The following OTULIN variants were observed in gnomAD, a reference collection of about 807,000 sequenced individuals.
The protein encoded by OTULIN is OTU deubiquitinase with linear linkage specificity.
Under a neutral mutation model 39.6 loss-of-function variants are expected in OTULIN, and 15 were observed. The observed-to-expected ratio is 0.38, with a 90% CI of 0.25 to 0.58. OTULIN has a LOEUF of 0.58. Ranked by LOEUF, OTULIN falls within the 20% of genes least tolerant of loss-of-function variation. The pLI is 0.66. For missense variants in OTULIN, 319 were observed against 445.9 expected, an observed-to-expected ratio of 0.72 and a Z score of 2.56; for synonymous variants, 156 against 170.3, an observed-to-expected ratio of 0.92 and a Z score of 0.65.
At chr5:14,692,772 T>C in intron 6 of OTULIN, 82 bp from the exon 7 acceptor site, 1 of 1,249,916 alleles carries the variant, frequency 8.0e-7, no homozygotes, top group South Asian at 1.3e-5. Context: ...CTGTGCACTG[T>C]GGGATAATGG....
the OTULIN span, among the ~76,000 whole-genome samples, chr5:14,715,351 G>A: frequency 1.3e-5 from 2 of 152,178 alleles, no homozygotes; most frequent in South Asian, 2.1e-4. Flanking sequence ...GGCTGGTCTC[G>A]AACTCCTGAC....
At chr5:14,684,239 T>C (rs539576140) in intron 4 of OTULIN, among the ~76,000 whole-genome samples, 26 of 152,310 alleles carry the variant, frequency 1.7e-4, no homozygotes, top group Non-Finnish European at 1.6e-4. Context: ...TTATTAAACG[T>C]TGGATCTGAA....
intron 5 of OTULIN, 183 bp downstream of exon 5, chr5:14,687,829 A>T: frequency 5.0e-6 from 3 of 594,558 alleles, no homozygotes; most frequent in Non-Finnish European, 8.3e-6. Context: ...GGAAGTACCA[A>T]CATTATATAT....
Position 14,678,793 on chromosome 5 carries a change from A to C in OTULIN, c.324+18A>C. 6.6e-7 allele frequency: 1 copy of C among 1,522,496 alleles called. No individual in the cohort carries two copies. The highest frequency in any genetic ancestry group is 1.2e-5 in the South Asian group (1 of 80,644). 94.3% of individuals were successfully genotyped at this position (1,522,496 alleles called of 1,614,324 possible). A position where few individuals can be genotyped will look rare whatever the true frequency, so the allele number is the denominator to read the frequency against. Reference sequence around the variant, plus strand: ...TGAAAATGGTATGACACAGAGGTGCACATATTTCAGGTCTTTCAAATAGTC... The same window carrying C: ...TGAAAATGGTATGACACAGAGGTGCCCATATTTCAGGTCTTTCAAATAGTC... On this transcript the variant is annotated intron_variant, in intron 3 of 6. Coordinates refer to ENST00000284274, the MANE Select transcript of OTULIN (RefSeq NM_138348.6).
At chr5:14,683,740 AT>A (rs1736316621) in intron 4 of OTULIN, among the ~76,000 whole-genome samples, 1 of 152,214 alleles carries the variant, frequency 6.6e-6, no homozygotes, top group African/African-American at 2.4e-5. Flanking sequence ...TTAAGGAGCT[AT>A]TTGGATTTAT....
chr5:14,706,815 GAC>G, the OTULIN span: 1 of 152,180 alleles, frequency 6.6e-6, no homozygotes, highest in African/African-American at 2.4e-5. Flanking sequence ...GAGTATCCCA[GAC>G]ACGTTGCTCA....
intron 1 of OTULIN, among the ~76,000 whole-genome samples, chr5:14,670,939 AG>A (rs1735964934): frequency 5.3e-5 from 8 of 152,212 alleles, no homozygotes. Flanking sequence ...GTTTGTGCAC[AG>A]GATCTGAGTG....
At chr5:14,715,400 G>A in the OTULIN span, among the ~76,000 whole-genome samples, 1 of 152,126 alleles carries the variant, frequency 6.6e-6, no homozygotes, top group South Asian at 2.1e-4. Context: ...CAAAGTGCTG[G>A]AATTACAGGC....
chr5:14,673,653 T>C lies in OTULIN; in HGVS notation c.164T>C (p.Met55Thr). Residue 55 changes from methionine to threonine, a missense_variant, in exon 2 of 7, where the codon ATG becomes ACG. By Grantham distance (81) the Met-to-Thr change is moderately conservative. This residue lies in a region of OTULIN where 132 missense variants were observed against 143.7 expected (regional missense o/e 0.92). Transcript: ENST00000284274. ...TGGTGTAATTTCAGTGAGGAGGACA[T>C]GTACCGTGCTGCAGATGAAATAGAA... ...MQCPAEHEED[M>T]YRAADEIEKE... The C allele has an allele frequency of 6.2e-7, 1 of 1,613,618 alleles. No individual in the cohort carries two copies. Among genetic ancestry groups the C allele is most frequent in the East Asian group, 2.2e-5 (1 of 44,802 alleles).
chr5:14,693,260 G>C lies in OTULIN; in HGVS notation c.*212G>C, dbSNP rs577859773. ...CTCATCTATGATGCAATATATTTCAGTGGGGGCCTTCAGAGCACACCTGTT... is the reference window on the plus strand; with the variant it reads ...CTCATCTATGATGCAATATATTTCACTGGGGGCCTTCAGAGCACACCTGTT... On this transcript the variant is annotated 3_prime_UTR_variant, in exon 7 of 7. Transcript: ENST00000284274. 1 of 515,304 alleles carries C rather than the reference G, an allele frequency of 1.9e-6. No individual in the cohort carries two copies. The highest frequency in any genetic ancestry group is 3.0e-5 in the East Asian group (1 of 33,082). The allele number at this position is 515,304 out of a possible 1,614,324, so 31.9% of individuals were successfully genotyped here. A position where few individuals can be genotyped will look rare whatever the true frequency, so the allele number is the denominator to read the frequency against.
chr5:14,711,399 G>C, the OTULIN span: 3 of 1,135,352 alleles, frequency 2.6e-6, no homozygotes, highest in South Asian at 3.7e-5. Context: ...CCGGGGTCTT[G>C]GGGGACCCCT....
the OTULIN span, chr5:14,711,107 AGG>A: frequency 1.7e-6 from 2 of 1,178,718 alleles, no homozygotes; most frequent in South Asian, 2.4e-5. Context: ...AACAAAAAAA[AGG>A]GAACAAAATA....
chr5:14,700,430 G>GTA (rs1271505938), downstream of OTULIN, among the ~76,000 whole-genome samples: 1 of 152,164 alleles, frequency 6.6e-6, no homozygotes, highest in African/African-American at 2.4e-5. Context: ...ATATGGGAAT[G>GTA]CCTGCATCCA....
At chr5:14,672,254 G>A (rs1240966281) in intron 1 of OTULIN, among the ~76,000 whole-genome samples, 1 of 152,154 alleles carries the variant, frequency 6.6e-6, no homozygotes, top group East Asian at 1.9e-4. Flanking sequence ...GAAATAATGG[G>A]ATGCAGGCTG....
At chr5:14,710,741 CTGGGAAGCAAAT>C in the OTULIN span, 1 of 199,646 alleles carries the variant, frequency 5.0e-6, no homozygotes, top group Admixed American at 5.3e-5. Flanking sequence ...GGCCATGTGA[CTGGGAAGCAAAT>C]CAAAGGAAGC....
intron 3 of OTULIN, 58 bp downstream of exon 3, chr5:14,678,833 T>C: frequency 8.8e-7 from 1 of 1,135,848 alleles, no homozygotes. Context: ...ATAAGTTGTT[T>C]AATATGTCAT....
intron 1 of OTULIN, among the ~76,000 whole-genome samples, chr5:14,668,438 C>T (rs1375455549): frequency 5.3e-5 from 8 of 152,218 alleles, no homozygotes; most frequent in Non-Finnish European, 1.0e-4. Flanking sequence ...CGGTACTTTC[C>T]TGTATTTGAT....
chr5:14,677,157 C>T (rs1486709990), intron 2 of OTULIN, among the ~76,000 whole-genome samples: 1 of 152,072 alleles, frequency 6.6e-6, no homozygotes, highest in Non-Finnish European at 1.5e-5. Flanking sequence ...TTTACCTAAA[C>T]TGCAAGGAGG....
chr5:14,676,415 C>T (rs1369585947), intron 2 of OTULIN, among the ~76,000 whole-genome samples: 1 of 152,208 alleles, frequency 6.6e-6, no homozygotes, highest in Non-Finnish European at 1.5e-5. Context: ...ATGTAGTAGC[C>T]ATTGGAGTCC....
Sources: allele counts gnomAD v4.1 joint callset (sites outside exome capture counted in the v4.1 genomes callset), GRCh38; gene constraint gnomAD v4.1.1; regional missense constraint gnomAD v4.1.1; transcripts MANE v1.5; gene names NCBI Gene and HGNC (gene_info 2026-07-23, HGNC 2026-07-21).